The following FAT3 variants were observed in gnomAD, a reference collection of about 807,000 sequenced individuals.
FAT3 encodes the protein protocadherin Fat 3.
In FAT3, 95 loss-of-function variants were observed where a neutral mutation model predicts 310.2. That is an observed-to-expected ratio of 0.31 (90% CI 0.26 to 0.36). FAT3 has a LOEUF of 0.36. FAT3 is among the 10% of genes least tolerant of loss of function. The pLI is 1.00. For missense variants in FAT3, 5,408 were observed against 5,715.6 expected (o/e 0.95, Z 1.74); for synonymous variants, 2,314 against 2,192.9 (o/e 1.06, Z -1.54).
At chr11:92,540,775 G>GT (rs58218154) in intron 3 of FAT3, among the ~76,000 whole-genome samples, 49 of 140,642 alleles carry the variant, frequency 3.5e-4, no homozygotes, top group African/African-American at 1.2e-3. Context: ...GTTTTGTTTT[G>GT]TTTTTTTTGA....
At position 92,832,353 on chromosome 11, in the gene FAT3, A is replaced by G. The variant is rs1015952195; in HGVS notation, c.9871+342A>G. ...TGTGTCCAAAAAAAATAATAATAGTAAGAATGCAGGACTTCACTATATCCT... is the reference window on the plus strand; with the variant it reads ...TGTGTCCAAAAAAAATAATAATAGTGAGAATGCAGGACTTCACTATATCCT... On this transcript the variant is annotated intron_variant, in intron 14 of 27. Coordinates refer to ENST00000525166, the MANE Select transcript of FAT3 (RefSeq NM_001367949.2). 5.9e-5 allele frequency among the ~76,000 whole-genome samples: 9 copies of G among 151,848 alleles called. No homozygotes were observed. In the East Asian group the frequency reaches 1.7e-3, roughly 30 times the overall value.
chr11:92,350,798 C>A (rs939111273), intron 1 of FAT3, among the ~76,000 whole-genome samples: 5 of 152,132 alleles, frequency 3.3e-5, no homozygotes, highest in African/African-American at 1.2e-4. Context: ...GTGCCTACAT[C>A]ATTACATGCC....
intron 1 of FAT3, among the ~76,000 whole-genome samples, chr11:92,238,799 A>G (rs548896304): frequency 6.6e-6 from 1 of 152,232 alleles, no homozygotes; most frequent in Non-Finnish European, 1.5e-5. Context: ...GGGAAACTTG[A>G]GAAAAAAAGA....
At chr11:92,420,955 C>T (rs1289818647) in intron 2 of FAT3, among the ~76,000 whole-genome samples, 1 of 152,108 alleles carries the variant, frequency 6.6e-6, no homozygotes, top group Admixed American at 6.5e-5. Context: ...GTATTTTTAG[C>T]AGGGCTCATA....
At chr11:92,336,275 A>G (rs1948076995) in intron 1 of FAT3, 1 of 526,992 alleles carries the variant, frequency 1.9e-6, no homozygotes, top group Non-Finnish European at 3.8e-6. Flanking sequence ...TGTCATAGCA[A>G]TGGGAGTCTG....
intron 2 of FAT3, among the ~76,000 whole-genome samples, chr11:92,358,231 T>C (rs1948786234): frequency 6.6e-6 from 1 of 152,138 alleles, no homozygotes; most frequent in African/African-American, 2.4e-5. Context: ...ATGATACTAA[T>C]GCCACTTACA....
chr11:92,672,606 C>T (rs1176858567), intron 3 of FAT3, among the ~76,000 whole-genome samples: 4 of 152,122 alleles, frequency 2.6e-5, no homozygotes, highest in Admixed American at 2.0e-4. Flanking sequence ...GTGGTCCCCA[C>T]CCCTTTGCCT....
In FAT3 at chr11:92,390,557, C is replaced by T. The variant is rs80031789; in HGVS notation, c.3292+35153C>T. Among the ~76,000 whole-genome samples, 294 of 152,298 alleles carry T rather than the reference C, an allele frequency of 1.9e-3. 4 individuals carry two copies. In the East Asian group the frequency reaches 0.053, roughly 28 times the overall value. ...TGCTAATGGATTGACCACTAGAATC[C>T]ATAGTCCTCCCAGTGCCCCAAGATT... is the stretch of plus-strand genomic sequence containing the variant. On this transcript the variant is annotated intron_variant, in intron 2 of 27. Coordinates refer to ENST00000525166, the MANE Select transcript of FAT3 (RefSeq NM_001367949.2).
chr11:92,456,440 C>A (rs1331039682), intron 2 of FAT3, among the ~76,000 whole-genome samples: 1 of 152,166 alleles, frequency 6.6e-6, no homozygotes, highest in East Asian at 1.9e-4. Flanking sequence ...ACCTCCTTAT[C>A]ATTCCCTCTT....
Position 92,810,011 on chromosome 11 carries a change from G to A in FAT3, c.9416G>A (p.Cys3139Tyr), listed in dbSNP as rs1266287822. 6.2e-7 allele frequency: 1 copy of A among 1,613,932 alleles called. No homozygotes were observed. The highest frequency in any genetic ancestry group is 2.2e-5 in the East Asian group (1 of 44,868). Residue 3139 changes from cysteine (C) to tyrosine (Y), a missense_variant, in exon 13 of 28, where the codon TGT becomes TAT. By Grantham distance (194) the Cys-to-Tyr change is radical. Around this residue, in one of 5 missense-constraint regions of FAT3, gnomAD observed 4,588 missense variants for 4,809.8 expected, o/e 0.95. Transcript: ENST00000525166. ...TTTTCTTCTGACCACTACAACACCT[G>A]TGTCTATGAGAACACAGCCACCAAG... Reference protein sequence around the residue: ...PVFSSDHYNTCVYENTATKAL... With the variant: ...PVFSSDHYNTYVYENTATKAL...
intron 4 of FAT3, among the ~76,000 whole-genome samples, chr11:92,732,091 T>A (rs547554053): frequency 6.6e-6 from 1 of 152,336 alleles, no homozygotes; most frequent in Non-Finnish European, 1.5e-5. Context: ...GGGGGATATT[T>A]TTTTATTCAT....
At chr11:92,728,913 C>T (rs1161723246) in intron 4 of FAT3, among the ~76,000 whole-genome samples, 1 of 152,194 alleles carries the variant, frequency 6.6e-6, no homozygotes, top group Admixed American at 6.5e-5. Context: ...ATCTCCTCAT[C>T]TCAAGATCCT....
At chr11:92,697,665 G>C (rs112729684) in intron 4 of FAT3, among the ~76,000 whole-genome samples, 1 of 152,180 alleles carries the variant, frequency 6.6e-6, no homozygotes, top group African/African-American at 2.4e-5. Context: ...TTTGCCTTTT[G>C]CTGAAGGCAA....
intron 4 of FAT3, among the ~76,000 whole-genome samples, chr11:92,714,868 T>A (rs1423501951): frequency 1.3e-5 from 2 of 152,180 alleles, no homozygotes; most frequent in Non-Finnish European, 2.9e-5. Flanking sequence ...GAGTGAATGA[T>A]CCATGAAGGG....
At chr11:92,470,303 G>A (rs1393986456) in intron 2 of FAT3, among the ~76,000 whole-genome samples, 1 of 152,186 alleles carries the variant, frequency 6.6e-6, no homozygotes, top group African/African-American at 2.4e-5. Context: ...TGGGGTCAAG[G>A]TGTTTTTGAA....
intron 2 of FAT3, among the ~76,000 whole-genome samples, chr11:92,440,229 A>G (rs781759045): frequency 1.3e-5 from 2 of 152,082 alleles, no homozygotes; most frequent in Admixed American, 6.6e-5. Context: ...TTTATTAGGG[A>G]TGGTCCTGGA....
chr11:92,253,324 T>C (rs1203111646), intron 1 of FAT3, among the ~76,000 whole-genome samples: 2 of 151,878 alleles, frequency 1.3e-5, no homozygotes, highest in Non-Finnish European at 2.9e-5. Context: ...CATCACACCA[T>C]GTACCCAACC....
chr11:92,654,284 G>A (rs369229602), intron 3 of FAT3, among the ~76,000 whole-genome samples: 1 of 152,132 alleles, frequency 6.6e-6, no homozygotes, highest in Non-Finnish European at 1.5e-5. Flanking sequence ...AGAGAGACTA[G>A]CATCTGGAGC....
chr11:92,229,617 A>C (rs2134224286), intron 1 of FAT3, among the ~76,000 whole-genome samples: 1 of 147,964 alleles, frequency 6.8e-6, no homozygotes, highest in Admixed American at 6.9e-5. Context: ...CACAGACTGC[A>C]TTTATTGAGA....
Sources: allele counts gnomAD v4.1 joint callset (sites outside exome capture counted in the v4.1 genomes callset), GRCh38; gene constraint gnomAD v4.1.1; regional missense constraint gnomAD v4.1.1; transcripts MANE v1.5; gene names NCBI Gene and HGNC (gene_info 2026-07-23, HGNC 2026-07-21).